The following ADAMTSL3 variants were observed in gnomAD, a reference collection of about 807,000 sequenced individuals.
The protein encoded by ADAMTSL3 is ADAMTS like 3.
Under a neutral mutation model 201.7 loss-of-function variants are expected in ADAMTSL3, and 128 were observed. The observed-to-expected ratio is 0.63, with a 90% CI of 0.55 to 0.73. The LOEUF is 0.73. ADAMTSL3 is among the 30% of genes least tolerant of loss of function. The probability of loss-of-function intolerance (pLI) is 0.00; values close to 1 mark genes in which losing one functional copy is unlikely to be tolerated. For synonymous variants in ADAMTSL3, 738 were observed against 748.4 expected (o/e 0.99, Z 0.23); for missense variants, 1,990 against 2,119.6 (o/e 0.94, Z 1.20).
In ADAMTSL3 at chr15:83,899,670, T is replaced by C. The variant is rs768480433; in HGVS notation, c.1639T>C (p.Leu547=). ...AGAAAAAAGTCCAGTGGAAGCAAAA[T>C]TGCCTTGGCTGAAACAAGCACAAGA... ...PKEKSPVEAK[L]PWLKQAQELE... The change falls in exon 15 of 30, where the codon TTG becomes CTG. Residue 547 remains leucine (L), a synonymous_variant. Coordinates refer to ENST00000286744, the MANE Select transcript of ADAMTSL3 (RefSeq NM_207517.3). The C allele has an allele frequency of 4.2e-5, 68 of 1,612,102 alleles. No homozygotes were observed. The highest frequency in any genetic ancestry group is 5.3e-5 in the Non-Finnish European group (63 of 1,178,830).
intron 29 of ADAMTSL3, among the ~76,000 whole-genome samples, chr15:84,037,464 G>C (rs2068532530): frequency 2.0e-5 from 3 of 152,192 alleles, no homozygotes; most frequent in Admixed American, 2.0e-4. Context: ...GAACTCAAAG[G>C]AGCAGCATGG....
At chr15:83,896,195 G>A (rs1471863153) in intron 13 of ADAMTSL3, among the ~76,000 whole-genome samples, 4 of 152,030 alleles carry the variant, frequency 2.6e-5, no homozygotes, top group East Asian at 1.9e-4. Context: ...CTACTGACCC[G>A]GAAGTGGGTC....
intron 7 of ADAMTSL3, among the ~76,000 whole-genome samples, chr15:83,857,859 G>A (rs545667985): frequency 1.3e-5 from 2 of 152,246 alleles, no homozygotes; most frequent in East Asian, 1.9e-4. Context: ...GAAGTAATTC[G>A]TATCATTGAT....
chr15:83,917,212 G>T (rs548201429), intron 16 of ADAMTSL3, among the ~76,000 whole-genome samples: 26 of 152,234 alleles, frequency 1.7e-4, no homozygotes, highest in African/African-American at 6.0e-4. Flanking sequence ...ATAAATTTTG[G>T]TCACATTCTG....
chr15:83,888,013 T>G (rs978546403), intron 10 of ADAMTSL3, among the ~76,000 whole-genome samples: 2 of 152,230 alleles, frequency 1.3e-5, no homozygotes, highest in African/African-American at 4.8e-5. Flanking sequence ...CATTTTATAG[T>G]GGGATTCAGC....
intron 3 of ADAMTSL3, among the ~76,000 whole-genome samples, chr15:83,726,871 G>A (rs1372930436): frequency 1.3e-5 from 2 of 148,182 alleles, no homozygotes; most frequent in East Asian, 3.9e-4. Flanking sequence ...TTTTTTTTTT[G>A]TGTCTTTGGT....
At position 83,804,665 on chromosome 15, in the gene ADAMTSL3, G is replaced by C; in HGVS notation, c.333G>C (p.Gln111His). 6.3e-7 allele frequency: 1 copy of C among 1,584,532 alleles called. No homozygotes were observed. ...RCLTGRNCEGQNIRYKTCSNH... is the reference protein window; with the variant it reads ...RCLTGRNCEGHNIRYKTCSNH... ...TTTCCTTTAGGAATTGTGAAGGGCA[G>C]AACATTCGGTACAAGACATGCAGCA... Residue 111 changes from glutamine to histidine, a missense_variant, in exon 5 of 30, where the codon CAG (glutamine) becomes CAC (histidine). Gln to His is a conservative substitution (Grantham distance 24). Transcript: ENST00000286744.
chr15:83,893,960 T>C (rs2065561008), intron 13 of ADAMTSL3, among the ~76,000 whole-genome samples: 1 of 152,230 alleles, frequency 6.6e-6, no homozygotes, highest in African/African-American at 2.4e-5. Context: ...TATCTATTCA[T>C]ATATTTATTC....
At chr15:83,994,629 C>G (rs760271714) in intron 23 of ADAMTSL3, among the ~76,000 whole-genome samples, 29 of 110,408 alleles carry the variant, frequency 2.6e-4, no homozygotes, top group Non-Finnish European at 3.2e-4. Flanking sequence ...CAGAACCTCA[C>G]TCTGTTGCCC....
chr15:83,748,519 T>C (rs906050086), intron 3 of ADAMTSL3, among the ~76,000 whole-genome samples: 3 of 151,568 alleles, frequency 2.0e-5, no homozygotes, highest in Non-Finnish European at 4.4e-5. Flanking sequence ...GGCATGGTGG[T>C]ATGCACTTGT....
chr15:83,786,448 T>TA (rs892937781), intron 4 of ADAMTSL3, among the ~76,000 whole-genome samples: 1 of 152,216 alleles, frequency 6.6e-6, no homozygotes, highest in African/African-American at 2.4e-5. Context: ...TTCTTTGTGT[T>TA]ATATACATTC....
intron 2 of ADAMTSL3, among the ~76,000 whole-genome samples, chr15:83,682,701 A>G (rs1444506861): frequency 6.6e-6 from 1 of 152,336 alleles, no homozygotes; most frequent in Non-Finnish European, 1.5e-5. Flanking sequence ...AGTCTAAATA[A>G]TACTAATTGG....
intron 5 of ADAMTSL3, among the ~76,000 whole-genome samples, chr15:83,813,014 A>G (rs1031530206): frequency 1.3e-5 from 2 of 152,252 alleles, no homozygotes; most frequent in African/African-American, 4.8e-5. Flanking sequence ...GTACAAGAGT[A>G]TGGAAAGGCT....
chr15:83,992,792 C>T (rs1270631204), intron 23 of ADAMTSL3, among the ~76,000 whole-genome samples: 1 of 152,190 alleles, frequency 6.6e-6, no homozygotes, highest in Non-Finnish European at 1.5e-5. Context: ...TTATTCTCAT[C>T]CAGGCCCAGT....
chr15:83,995,294 A>T (rs2067667895), intron 23 of ADAMTSL3, among the ~76,000 whole-genome samples: 2 of 152,242 alleles, frequency 1.3e-5, no homozygotes, highest in South Asian at 4.1e-4. Flanking sequence ...ATTTAGGATC[A>T]TCTTAATAGA....
chr15:83,676,650 C>CCTGGGCGACAGAGTAACACTCCAT (rs2061409614), intron 2 of ADAMTSL3, among the ~76,000 whole-genome samples: 1 of 152,188 alleles, frequency 6.6e-6, no homozygotes, highest in African/African-American at 2.4e-5. Flanking sequence ...TGCACTCCAG[C>CCTGGGCGACAGAGTAACACTCCAT]CTGGGCGACA....
At chr15:83,673,218 G>A (rs1051294212) in intron 2 of ADAMTSL3, among the ~76,000 whole-genome samples, 3 of 152,336 alleles carry the variant, frequency 2.0e-5, no homozygotes, top group Admixed American at 2.0e-4. Context: ...AGTGCGCTTA[G>A]CAACCAGACA....
At chr15:83,960,100 T>C (rs985120098) in intron 19 of ADAMTSL3, among the ~76,000 whole-genome samples, 5 of 152,214 alleles carry the variant, frequency 3.3e-5, no homozygotes, top group Admixed American at 6.5e-5. Context: ...AATATGGTAA[T>C]GGTAATTTAA....
chr15:83,758,923 A>T (rs1596153065), intron 3 of ADAMTSL3, among the ~76,000 whole-genome samples: 1 of 152,052 alleles, frequency 6.6e-6, no homozygotes, highest in East Asian at 1.9e-4. Flanking sequence ...AGGTGCTTTT[A>T]TTCTTGAATA....
Sources: allele counts gnomAD v4.1 joint callset (sites outside exome capture counted in the v4.1 genomes callset), GRCh38; gene constraint gnomAD v4.1.1; transcripts MANE v1.5; gene names NCBI Gene and HGNC (gene_info 2026-07-23, HGNC 2026-07-21).